The following CALN1 variants were observed in gnomAD, a reference collection of about 807,000 sequenced individuals.
CALN1 encodes calcium-binding protein 8.
Under a neutral mutation model 30.6 loss-of-function variants are expected in CALN1, and 17 were observed. The ratio of observed to expected loss-of-function variants is 0.56; its 90% CI spans 0.38 to 0.83. The LOEUF (loss-of-function observed/expected upper bound fraction) is 0.83, where lower values mean the gene tolerates loss of function less well. Ranked by LOEUF, CALN1 falls within the 40% of genes least tolerant of loss-of-function variation. The probability of loss-of-function intolerance (pLI) is 0.00; values close to 1 mark genes in which losing one functional copy is unlikely to be tolerated. For synonymous variants in CALN1, 156 were observed against 131.4 expected, an observed-to-expected ratio of 1.19 and a Z score of -1.28; for missense variants, 291 against 354.9, an observed-to-expected ratio of 0.82 and a Z score of 1.45.
intron 3 of CALN1, among the ~76,000 whole-genome samples, chr7:72,252,284 T>C (rs1795615136): frequency 6.6e-6 from 1 of 152,086 alleles, no homozygotes; most frequent in Non-Finnish European, 1.5e-5. Flanking sequence ...CAGCAAATCT[T>C]GGTAAGTCCA....
intron 3 of CALN1, among the ~76,000 whole-genome samples, chr7:72,184,031 G>A (rs11976552): frequency 0.033 from 5,054 of 152,146 alleles, 271 homozygotes; most frequent in African/African-American, 0.12. Flanking sequence ...CCAGCAGGGG[G>A]CATCCCACCT....
chr7:72,196,851 A>G (rs1791046313), intron 3 of CALN1, among the ~76,000 whole-genome samples: 1 of 152,214 alleles, frequency 6.6e-6, no homozygotes. Flanking sequence ...GCCCACAGTT[A>G]GTATCATGAA....
chr7:72,098,760 GCGCGCACACACACA>G (rs1285760524), intron 4 of CALN1, among the ~76,000 whole-genome samples: 10 of 101,366 alleles, frequency 9.9e-5, no homozygotes, highest in South Asian at 8.2e-4. Flanking sequence ...AGCCCATTTG[GCGCGCACACACACA>G]CACACACACA....
chr7:72,375,524 C>T (rs537281544), intron 2 of CALN1, among the ~76,000 whole-genome samples: 1 of 150,050 alleles, frequency 6.7e-6, no homozygotes, highest in African/African-American at 2.5e-5. Flanking sequence ...TGTGACTGCA[C>T]CACTGTACTC....
chr7:72,065,946 C>T (rs916603990), intron 4 of CALN1, among the ~76,000 whole-genome samples: 8 of 152,054 alleles, frequency 5.3e-5, no homozygotes, highest in African/African-American at 1.7e-4. Flanking sequence ...AGGATAATTA[C>T]TTATTTTGAT....
intron 5 of CALN1, among the ~76,000 whole-genome samples, chr7:71,920,250 C>T (rs887976403): frequency 1.3e-5 from 2 of 151,436 alleles, no homozygotes; most frequent in African/African-American, 4.8e-5. Flanking sequence ...TATGAAGGCA[C>T]AGGCTTCAAG....
At chr7:72,165,002 T>C (rs915591686) in intron 3 of CALN1, among the ~76,000 whole-genome samples, 2 of 152,156 alleles carry the variant, frequency 1.3e-5, no homozygotes, top group Non-Finnish European at 2.9e-5. Flanking sequence ...GCCAAGTATA[T>C]ACTTTTAAGT....
chr7:71,867,723 G>A (rs1351337509), intron 5 of CALN1, among the ~76,000 whole-genome samples: 1 of 152,138 alleles, frequency 6.6e-6, no homozygotes, highest in Non-Finnish European at 1.5e-5. Flanking sequence ...GTGAGCTACC[G>A]TGCCCGGCTG....
chr7:72,207,671 A>AT (rs563107313), intron 3 of CALN1, among the ~76,000 whole-genome samples: 118 of 152,264 alleles, frequency 7.7e-4, no homozygotes, highest in Non-Finnish European at 1.3e-3. Flanking sequence ...TAAGAAGGAC[A>AT]TTCTCTGTCT....
At chr7:72,336,486 G>A (rs546774247) in intron 2 of CALN1, among the ~76,000 whole-genome samples, 1 of 151,992 alleles carries the variant, frequency 6.6e-6, no homozygotes, top group African/African-American at 2.4e-5. Flanking sequence ...TCCACGGAAG[G>A]CAAGGTGGCC....
chr7:71,892,970 G>C (rs909394758), intron 5 of CALN1, among the ~76,000 whole-genome samples: 1 of 152,036 alleles, frequency 6.6e-6, no homozygotes, highest in Admixed American at 6.6e-5. Flanking sequence ...GGTGTGATGT[G>C]TCCAAGTAAA....
chr7:72,288,257 A>G (rs1453326237), intron 2 of CALN1, among the ~76,000 whole-genome samples: 1 of 152,130 alleles, frequency 6.6e-6, no homozygotes, highest in Non-Finnish European at 1.5e-5. Context: ...TGATGCCATT[A>G]AACATGGATT....
intron 5 of CALN1, among the ~76,000 whole-genome samples, chr7:71,830,379 G>T (rs1407086562): frequency 1.4e-5 from 2 of 145,048 alleles, no homozygotes; most frequent in African/African-American, 2.6e-5. Flanking sequence ...ACAGAGACTG[G>T]CTCTGTTGCC....
intron 4 of CALN1, among the ~76,000 whole-genome samples, chr7:72,102,071 C>T (rs1806709377): frequency 6.6e-6 from 1 of 152,082 alleles, no homozygotes; most frequent in Non-Finnish European, 1.5e-5. Context: ...TCTTTGTCAC[C>T]CAGGCTGGAG....
intron 1 of CALN1, among the ~76,000 whole-genome samples, chr7:72,419,428 C>T (rs1807538344): frequency 6.6e-6 from 1 of 152,130 alleles, no homozygotes; most frequent in Non-Finnish European, 1.5e-5. Context: ...GTATTTTCCT[C>T]AGGATTCATG....
chr7:72,291,048 C>CA (rs781316612), intron 2 of CALN1, among the ~76,000 whole-genome samples: 2 of 151,964 alleles, frequency 1.3e-5, no homozygotes, highest in Non-Finnish European at 2.9e-5. Context: ...CTCAGCATTC[C>CA]AAGTAGCTGG....
intron 3 of CALN1, among the ~76,000 whole-genome samples, chr7:72,153,628 G>C (rs1420326606): frequency 6.6e-6 from 1 of 152,080 alleles, no homozygotes; most frequent in African/African-American, 2.4e-5. Flanking sequence ...GCTGCAGTGA[G>C]CCATGATTCG....
At chr7:71,983,278 T>C (rs533836887) in intron 5 of CALN1, among the ~76,000 whole-genome samples, 165 of 152,330 alleles carry the variant, frequency 1.1e-3, no homozygotes, top group African/African-American at 3.9e-3. Flanking sequence ...GCATGAGGCA[T>C]GAACCTCAGG....
chr7:71,866,519 T>C (rs535621988), intron 5 of CALN1, among the ~76,000 whole-genome samples: 3 of 152,238 alleles, frequency 2.0e-5, no homozygotes, highest in South Asian at 2.1e-4. Flanking sequence ...AAAAAACATA[T>C]AGATCATTGA....
Sources: allele counts gnomAD v4.1 joint callset (sites outside exome capture counted in the v4.1 genomes callset), GRCh38; gene constraint gnomAD v4.1.1; transcripts MANE v1.5; gene names NCBI Gene and HGNC (gene_info 2026-07-23, HGNC 2026-07-21).